The following OXGR1 variants were observed in gnomAD, a reference collection of about 807,000 sequenced individuals.
OXGR1 encodes the protein oxoglutarate receptor 1.
A neutral mutation model predicts 10.0 loss-of-function variants in OXGR1; 10 were observed. The ratio of observed to expected loss-of-function variants is 1.00; its 90% CI spans 0.62 to 1.70. The LOEUF is 1.70. Among genes scored for constraint, OXGR1 ranks in the 40% most tolerant of loss-of-function variants. OXGR1 has a pLI of 0.00. For synonymous variants in OXGR1, 191 were observed against 155.9 expected, an observed-to-expected ratio of 1.22 and a Z score of -1.68; for missense variants, 398 against 407.6, an observed-to-expected ratio of 0.98 and a Z score of 0.20.
rs1881831437 is a variant in OXGR1 at position 96,987,538 on chromosome 13, G to T, written c.222C>A (p.Asn74Lys). The T allele has an allele frequency of 1.9e-6, 3 of 1,614,128 alleles. No homozygotes were observed. The highest frequency in any genetic ancestry group is 2.5e-6 in the Non-Finnish European group (3 of 1,180,006). Residue 74 changes from asparagine to lysine, a missense_variant, in exon 4 of 4, where the codon AAC becomes AAA. Transcript: ENST00000541038. Reference protein sequence around the residue: ...PWKSSTIIMLNLACTDLLYLT... With the variant: ...PWKSSTIIMLKLACTDLLYLT... Reference sequence around the variant, plus strand: ...GATACAGCAGATCTGTGCAGGCCAGGTTCAGCATAATGATGGTGCTGCTCT... The same window carrying T: ...GATACAGCAGATCTGTGCAGGCCAGTTTCAGCATAATGATGGTGCTGCTCT...
intron 3 of OXGR1, 38 bp from the exon 4 acceptor site, chr13:96,987,871 AT>A (rs750044866): frequency 6.8e-5 from 94 of 1,387,544 alleles, no homozygotes; most frequent in Non-Finnish European, 8.8e-5. Context: ...TGATAGGGTA[AT>A]AAAAACAAGG....
chr13:96,992,965 G>C (rs775853197), intron 1 of OXGR1, among the ~76,000 whole-genome samples: 19 of 152,082 alleles, frequency 1.2e-4, no homozygotes, highest in South Asian at 2.1e-4. Context: ...GGGTCACTTT[G>C]GGTTGTCAAA....
At chr13:96,989,708 AG>A (rs1258077128) in intron 3 of OXGR1, 49 bp downstream of exon 3, 1 of 152,228 alleles carries the variant, frequency 6.6e-6, no homozygotes, top group South Asian at 2.1e-4. Context: ...TGAGTAGGCA[AG>A]AGGGAAATCT....
At chr13:96,991,368 A>C (rs1216983740) in intron 2 of OXGR1, among the ~76,000 whole-genome samples, 1 of 152,240 alleles carries the variant, frequency 6.6e-6, no homozygotes, top group African/African-American at 2.4e-5. Flanking sequence ...AGAACACCAG[A>C]TGGTCCACAA....
chr13:96,986,177 T>C lies in OXGR1; in HGVS notation c.*569A>G, dbSNP rs1383746163. On this transcript the variant is annotated 3_prime_UTR_variant, in exon 4 of 4. Transcript: ENST00000541038. ...GTCCTTGGATTATTTCAAGGGTATC[T>C]TACTGGCTTGAAGTAATATACAGAA... 2 of 152,356 alleles carry C rather than the reference T, an allele frequency of 1.3e-5. No individual in the cohort carries two copies. The highest frequency in any genetic ancestry group is 4.8e-5 in the African/African-American group (2 of 41,450). The allele number at this position is 152,356 out of a possible 1,614,324, so 9.4% of individuals were successfully genotyped here. A position where few individuals can be genotyped will look rare whatever the true frequency, so the allele number is the denominator to read the frequency against.
Position 96,987,787 on chromosome 13 carries a change from A to G in OXGR1, c.-28T>C, listed in dbSNP as rs377508878. On this transcript the variant is annotated 5_prime_UTR_variant, in exon 4 of 4. Transcript: ENST00000541038. The stretch of plus-strand genomic sequence containing the variant: ...TTGTCTCCTTTCATCTTGCAAGAAA[A>G]CAAGAGAGTTCAGTTTGGCAATATG... 2.0e-6 allele frequency: 3 copies of G among 1,533,640 alleles called. No homozygotes were observed. In the African/African-American group the frequency reaches 4.2e-5, roughly 21 times the overall value.
chr13:96,987,859 A>C (rs990833420), intron 3 of OXGR1, 26 bp from the exon 4 acceptor site: 1 of 1,446,006 alleles, frequency 6.9e-7, no homozygotes, highest in Non-Finnish European at 9.2e-7. Flanking sequence ...AGAAAACATT[A>C]ATGATAGGGT....
chr13:96,987,032 G>A lies in OXGR1; in HGVS notation c.728C>T (p.Thr243Ile). 1.2e-6 allele frequency: 2 copies of A among 1,614,204 alleles called. No homozygotes were observed. The highest frequency in any genetic ancestry group is 1.7e-6 in the Non-Finnish European group (2 of 1,180,028). ...SCLKQKARRLTILLLLAFYVC... is the reference protein window; with the variant it reads ...SCLKQKARRLIILLLLAFYVC... Reference sequence around the variant, plus strand: ...GTAAAATGCAAGGAGTAGCAGAATGGTTAGCCTTCGTGCTTTCTGCTTAAG... The same window carrying A: ...GTAAAATGCAAGGAGTAGCAGAATGATTAGCCTTCGTGCTTTCTGCTTAAG... Residue 243 changes from threonine (T) to isoleucine (I), a missense_variant, in exon 4 of 4, where the codon ACC becomes ATC. Transcript: ENST00000541038.
chr13:96,987,731 T>A lies in OXGR1; in HGVS notation c.29A>T (p.Asn10Ile), dbSNP rs779661284. MNEPLDYLA[N>I]ASDFPDYAAA... is the part of the protein sequence containing the mutation. ...TGCATAATCGGGGAAATCAGAAGCA[T>A]TTGCTAAATAGTCTAGTGGCTCATT... is the stretch of plus-strand genomic sequence containing the variant. Residue 10 changes from asparagine (N) to isoleucine (I), a missense_variant, in exon 4 of 4, where the codon AAT becomes ATT. Physicochemically the swap from Asn to Ile is moderately radical, Grantham distance 149. Coordinates refer to ENST00000541038, the MANE Select transcript of OXGR1 (RefSeq NM_001346194.2). 2.5e-5 allele frequency: 40 copies of A among 1,604,022 alleles called. No individual in the cohort carries two copies. Among genetic ancestry groups the A allele is most frequent in the Non-Finnish European group, 8.5e-7 (1 of 1,174,416 alleles).
chr13:96,992,780 C>T (rs1470745469), intron 1 of OXGR1, among the ~76,000 whole-genome samples: 3 of 152,160 alleles, frequency 2.0e-5, no homozygotes, highest in South Asian at 2.1e-4. Flanking sequence ...TGTACCTCTC[C>T]CTGCTCTCCT....
At chr13:96,988,648 G>A (rs781717484) in intron 3 of OXGR1, among the ~76,000 whole-genome samples, 1 of 152,172 alleles carries the variant, frequency 6.6e-6, no homozygotes, top group Non-Finnish European at 1.5e-5. Context: ...TTAGGAGGCT[G>A]AGCCCTGAAG....
intron 1 of OXGR1, 72 bp downstream of exon 1, chr13:96,994,226 G>A (rs1882203212): frequency 6.6e-6 from 1 of 152,258 alleles, no homozygotes; most frequent in South Asian, 2.1e-4. Flanking sequence ...TCTCCCTCCG[G>A]GTCAGGGCAG....
At position 96,987,472 on chromosome 13, in the gene OXGR1, G is replaced by A. The variant is rs764724501; in HGVS notation, c.288C>T (p.Gly96=). The change falls in exon 4 of 4, where the codon GGC becomes GGT. Residue 96 remains glycine, a synonymous_variant. Coordinates refer to ENST00000541038, the MANE Select transcript of OXGR1 (RefSeq NM_001346194.2). ...LPFLIHYYAS[G]ENWIFGDFMC... ...TGAAATCTCCAAAGATCCAGTTTTC[G>A]CCACTGGCATAGTAGTGAATCAGGA... The A allele has an allele frequency of 4.1e-5, 66 of 1,614,010 alleles. No homozygotes were observed. The East Asian group carries it at 1.1e-3, about 27-fold the overall frequency.
At chr13:96,992,076 G>A (rs1242605949) in intron 2 of OXGR1, among the ~76,000 whole-genome samples, 1 of 151,888 alleles carries the variant, frequency 6.6e-6, no homozygotes, top group Non-Finnish European at 1.5e-5. Flanking sequence ...ATGGTTACCA[G>A]AAGCTGGGAA....
At chr13:96,993,133 A>G (rs904505252) in intron 1 of OXGR1, among the ~76,000 whole-genome samples, 3 of 152,226 alleles carry the variant, frequency 2.0e-5, no homozygotes, top group Admixed American at 1.3e-4. Flanking sequence ...TGGTCCCTGA[A>G]GGAATCTTTC....
chr13:96,990,876 G>A (rs1172232677), intron 2 of OXGR1, among the ~76,000 whole-genome samples: 1 of 146,222 alleles, frequency 6.8e-6, no homozygotes, highest in Non-Finnish European at 1.5e-5. Context: ...TTGAACCTGG[G>A]AGGTGTAGGC....
At chr13:96,990,249 T>C (rs376953527) in intron 2 of OXGR1, among the ~76,000 whole-genome samples, 59 of 152,216 alleles carry the variant, frequency 3.9e-4, no homozygotes, top group African/African-American at 1.2e-3. Context: ...TGAAAGAAAA[T>C]GGTCACAGCC....
intron 2 of OXGR1, among the ~76,000 whole-genome samples, chr13:96,991,645 T>A (rs1389908321): frequency 6.6e-6 from 1 of 152,194 alleles, no homozygotes; most frequent in East Asian, 1.9e-4. Context: ...ATAATTTTAG[T>A]ACAATCACTA....
chr13:96,989,150 T>C (rs997124038), intron 3 of OXGR1, among the ~76,000 whole-genome samples: 5 of 152,180 alleles, frequency 3.3e-5, no homozygotes, highest in African/African-American at 1.2e-4. Flanking sequence ...AGTTGCTAAG[T>C]CATTTGATGT....
Sources: allele counts gnomAD v4.1 joint callset (sites outside exome capture counted in the v4.1 genomes callset), GRCh38; gene constraint gnomAD v4.1.1; transcripts MANE v1.5; gene names NCBI Gene and HGNC (gene_info 2026-07-23, HGNC 2026-07-21).